The following TEAD1 variants were observed in gnomAD, a reference collection of about 807,000 sequenced individuals.
The protein encoded by TEAD1 is TEA domain transcription factor 1.
A neutral mutation model predicts 54.9 loss-of-function variants in TEAD1; 9 were observed. The observed-to-expected ratio is 0.16, with a 90% CI of 0.10 to 0.29. TEAD1 has a LOEUF of 0.29. Ranked by LOEUF, TEAD1 falls within the 10% of genes least tolerant of loss-of-function variation. TEAD1 has a pLI of 1.00. For synonymous variants in TEAD1, 200 were observed against 187.8 expected (o/e 1.07, Z -0.53); for missense variants, 387 against 535.9 (o/e 0.72, Z 2.74).
intron 3 of TEAD1, among the ~76,000 whole-genome samples, chr11:12,817,333 G>A (rs1418741227): frequency 1.3e-5 from 2 of 152,174 alleles, no homozygotes; most frequent in Non-Finnish European, 2.9e-5. Flanking sequence ...TCAGCCAGAC[G>A]GAGAATAAAT....
At chr11:12,840,734 A>G (rs533208435) in intron 3 of TEAD1, among the ~76,000 whole-genome samples, 29 of 152,338 alleles carry the variant, frequency 1.9e-4, no homozygotes, top group East Asian at 5.8e-4. Flanking sequence ...AAACTAAGGC[A>G]TAGACTTCAT....
In TEAD1 at chr11:12,930,276, C is replaced by A; in HGVS notation, c.1117C>A (p.Pro373Thr). 6.2e-7 allele frequency: 1 copy of A among 1,614,160 alleles called. No homozygotes were observed. Among genetic ancestry groups the A allele is most frequent in the Non-Finnish European group, 8.5e-7 (1 of 1,180,024 alleles). Residue 373 changes from proline to threonine, a missense_variant, in exon 12 of 13, where the codon CCA becomes ACA. Coordinates refer to ENST00000527636, the MANE Select transcript of TEAD1 (RefSeq NM_021961.6). ...CTTCATCCACAAGCTCAAACACTTA[C>A]CAGAGAAATATATGATGAACAGTGT...
chr11:12,683,441 C>T (rs568325174), intron 2 of TEAD1, among the ~76,000 whole-genome samples: 67 of 152,144 alleles, frequency 4.4e-4, no homozygotes, highest in African/African-American at 1.5e-3. Flanking sequence ...GCATGGATTT[C>T]CTTATGTAAC....
intron 3 of TEAD1, among the ~76,000 whole-genome samples, chr11:12,815,247 C>T (rs1025114497): frequency 1.3e-5 from 2 of 152,118 alleles, no homozygotes; most frequent in Admixed American, 6.6e-5. Flanking sequence ...GCTTCCCTCC[C>T]TCCCATCCTC....
chr11:12,750,029 A>G (rs1187350627), intron 2 of TEAD1, among the ~76,000 whole-genome samples: 3 of 152,058 alleles, frequency 2.0e-5, no homozygotes, highest in Non-Finnish European at 4.4e-5. Context: ...GGAAGATTAT[A>G]TTTGTCGTTT....
rs188420657 is a variant in TEAD1 at position 12,834,203 on chromosome 11, C to T, written c.203-28047C>T. Among the ~76,000 whole-genome samples, 99 of 152,184 alleles carry T rather than the reference C, an allele frequency of 6.5e-4. 1 individual carries two copies. The highest frequency in any genetic ancestry group is 6.4e-3 in the Admixed American group (98 of 15,298). ...TGTGGAAGATGAATTAGTCAGTTGA[C>T]GTTTGTAGAGGGGAGGGTGAGATAT... On this transcript the variant is annotated intron_variant, in intron 3 of 12. Coordinates refer to ENST00000527636, the MANE Select transcript of TEAD1 (RefSeq NM_021961.6).
intron 3 of TEAD1, among the ~76,000 whole-genome samples, chr11:12,825,228 A>G (rs1946627534): frequency 6.6e-6 from 1 of 152,174 alleles, no homozygotes. Flanking sequence ...TATATTTAAA[A>G]TTGTACTGCA....
At chr11:12,820,947 A>T in intron 3 of TEAD1, among the ~76,000 whole-genome samples, 1 of 152,200 alleles carries the variant, frequency 6.6e-6, no homozygotes, top group East Asian at 1.9e-4. Context: ...GCTGCTGATG[A>T]CAAAGGGCTT....
At chr11:12,812,186 G>GA (rs1946316261) in intron 3 of TEAD1, among the ~76,000 whole-genome samples, 1 of 152,116 alleles carries the variant, frequency 6.6e-6, no homozygotes, top group Admixed American at 6.5e-5. Context: ...TGTGGACTGA[G>GA]AAAATTGCTT....
At chr11:12,925,809 A>G (rs1948895296) in intron 11 of TEAD1, among the ~76,000 whole-genome samples, 1 of 152,192 alleles carries the variant, frequency 6.6e-6, no homozygotes. Context: ...ATAGACGTCA[A>G]GGTGGTACTC....
chr11:12,698,231 G>T (rs1160949090), intron 2 of TEAD1, among the ~76,000 whole-genome samples: 1 of 152,112 alleles, frequency 6.6e-6, no homozygotes, highest in East Asian at 1.9e-4. Context: ...GAGGTGAGGA[G>T]CCTTGCCGTG....
intron 2 of TEAD1, among the ~76,000 whole-genome samples, chr11:12,704,792 T>A (rs189442638): frequency 3.0e-3 from 456 of 152,352 alleles, no homozygotes; most frequent in African/African-American, 0.01. Context: ...ATAGCTAACA[T>A]TTACCAGGTG....
chr11:12,771,367 T>C (rs923920105), intron 3 of TEAD1, among the ~76,000 whole-genome samples: 3 of 152,200 alleles, frequency 2.0e-5, no homozygotes, highest in Non-Finnish European at 2.9e-5. Context: ...ACAAGTTAGA[T>C]GGCTGTTACA....
intron 12 of TEAD1, among the ~76,000 whole-genome samples, chr11:12,935,357 G>A (rs1949081083): frequency 6.6e-6 from 1 of 152,186 alleles, no homozygotes; most frequent in Admixed American, 6.5e-5. Context: ...GACAATCTGT[G>A]TAAAGCATTT....
In TEAD1 at chr11:12,937,294, A is replaced by G. The variant is rs1350856415; in HGVS notation, c.*72A>G. 6 of 1,256,596 alleles carry G rather than the reference A, an allele frequency of 4.8e-6. No individual in the cohort carries two copies. The highest frequency in any genetic ancestry group is 2.5e-5 in the East Asian group (1 of 39,452). The allele number at this position is 1,256,596 out of a possible 1,614,324, so 77.8% of individuals were successfully genotyped here. On this transcript the variant is annotated 3_prime_UTR_variant, in exon 13 of 13. Coordinates refer to ENST00000527636, the MANE Select transcript of TEAD1 (RefSeq NM_021961.6). Reference sequence around the variant, plus strand: ...ATGTGCACACACACACTCTCTCTCCATTATCGAACGACTGACTGTAAACCT... The same window carrying G: ...ATGTGCACACACACACTCTCTCTCCGTTATCGAACGACTGACTGTAAACCT...
At chr11:12,777,297 A>AATT (rs1945447278) in intron 3 of TEAD1, among the ~76,000 whole-genome samples, 1 of 152,130 alleles carries the variant, frequency 6.6e-6, no homozygotes. Context: ...TTCTGGGGTA[A>AATT]TATTTAACAT....
At position 12,815,212 on chromosome 11, in the gene TEAD1, A is replaced by G. The variant is rs575181874; in HGVS notation, c.203-47038A>G. On this transcript the variant is annotated intron_variant, in intron 3 of 12. Transcript: ENST00000527636. Reference sequence around the variant, plus strand: ...GTGTTTATCTCCCGCAGTGGGCTGGAAGACAGGCCTGCTGGGACTCAGAAG... The same window carrying G: ...GTGTTTATCTCCCGCAGTGGGCTGGGAGACAGGCCTGCTGGGACTCAGAAG... Among the ~76,000 whole-genome samples the G allele has an allele frequency of 7.2e-5, 11 of 152,182 alleles. No homozygotes were observed. The South Asian group carries it at 2.3e-3, about 32-fold the overall frequency.
Position 12,881,891 on chromosome 11 carries a change from C to A in TEAD1, c.513-5C>A, listed in dbSNP as rs777361181. On this transcript the variant is annotated splice_region_variant and splice_polypyrimidine_tract_variant and intron_variant, in intron 7 of 12. Coordinates refer to ENST00000527636, the MANE Select transcript of TEAD1 (RefSeq NM_021961.6). ...TAACTCTGTCTGCCATCTCTCTGTT[C>A]CCAGCGTCAAGCCTTTTGTGCAGCA... The A allele has an allele frequency of 1.9e-6, 3 of 1,614,136 alleles. No homozygotes were observed. In the South Asian group the frequency reaches 3.3e-5, roughly 18 times the overall value.
At chr11:12,697,779 T>A (rs1943615901) in intron 2 of TEAD1, among the ~76,000 whole-genome samples, 1 of 152,112 alleles carries the variant, frequency 6.6e-6, no homozygotes, top group Non-Finnish European at 1.5e-5. Context: ...ATCCCAGCAC[T>A]TGGGAGGCCG....
Sources: gnomAD v4.1 joint callset for allele counts (sites outside exome capture counted in the v4.1 genomes callset) on GRCh38, gnomAD v4.1.1 for gene constraint, MANE v1.5 for transcripts, NCBI Gene and HGNC (gene_info 2026-07-23, HGNC 2026-07-21) for gene names.